Variants in SATB2 observed in about 807,000 individuals in gnomAD.
The protein encoded by SATB2 is SATB homeobox 2.
Under a neutral mutation model 73.4 loss-of-function variants are expected in SATB2, and 1 was observed. The observed-to-expected ratio is 0.01, with a 90% CI of 0.00 to 0.06. The LOEUF is 0.06. SATB2 is among the 10% of genes least tolerant of loss of function. SATB2 has a pLI of 1.00. For missense variants in SATB2, 459 were observed against 945.8 expected (o/e 0.49, Z 6.75); for synonymous variants, 397 against 367.0 (o/e 1.08, Z -0.93).
chr2:199,460,110 G>GCGTT (rs1260682282), upstream of SATB2, among the ~76,000 whole-genome samples: 3 of 152,050 alleles, frequency 2.0e-5, no homozygotes, highest in African/African-American at 7.2e-5. The surrounding 1 kb of genome is among the most constrained non-coding windows in gnomAD (Gnocchi z 4.0). Context: ...GTTTTAGGCA[G>GCGTT]CGTTTGCCTT....
At chr2:199,449,844 T>C (rs1692072708) in intron 2 of SATB2, among the ~76,000 whole-genome samples, 1 of 152,222 alleles carries the variant, frequency 6.6e-6, no homozygotes, top group South Asian at 2.1e-4. Context: ...GCAGTGTTGA[T>C]TGGAAGTGAA....
At chr2:199,411,154 T>C (rs1690800751) in intron 3 of SATB2, among the ~76,000 whole-genome samples, 1 of 152,110 alleles carries the variant, frequency 6.6e-6, no homozygotes, top group South Asian at 2.1e-4. Flanking sequence ...TCCATTTTCA[T>C]TCTCTAACAA....
intron 3 of SATB2, among the ~76,000 whole-genome samples, chr2:199,402,213 C>T (rs1013237679): frequency 2.6e-5 from 4 of 151,988 alleles, no homozygotes; most frequent in Non-Finnish European, 5.9e-5. Flanking sequence ...GGTGAAACCC[C>T]GTCTCTACTA....
intron 10 of SATB2, among the ~76,000 whole-genome samples, chr2:199,305,787 C>A (rs1214036187): frequency 6.6e-6 from 1 of 152,112 alleles, no homozygotes; most frequent in East Asian, 1.9e-4. Flanking sequence ...GAAATCACTG[C>A]CTCATATCTT....
intron 6 of SATB2, among the ~76,000 whole-genome samples, chr2:199,356,225 C>CAAAAAAAAAAAAAAACA (rs1688979098): frequency 9.9e-6 from 1 of 100,978 alleles, no homozygotes; most frequent in Non-Finnish European, 1.8e-5. Context: ...GAACATAAGC[C>CAAAAAAAAAAAAAAACA]AAAAAAAAAA....
chr2:199,275,052 T>C (rs772076347), intron 10 of SATB2, among the ~76,000 whole-genome samples: 26 of 152,142 alleles, frequency 1.7e-4, no homozygotes, highest in Non-Finnish European at 2.6e-4. Flanking sequence ...ATTAGAGCAA[T>C]TGCGCTAATT....
At chr2:199,336,995 T>C (rs1216043996) in intron 7 of SATB2, among the ~76,000 whole-genome samples, 1 of 152,194 alleles carries the variant, frequency 6.6e-6, no homozygotes, top group Non-Finnish European at 1.5e-5. Flanking sequence ...GTTTAATCAA[T>C]GTTAGCCATT....
At chr2:199,314,970 G>C (rs1337720665) in intron 9 of SATB2, among the ~76,000 whole-genome samples, 1 of 151,936 alleles carries the variant, frequency 6.6e-6, no homozygotes, top group Admixed American at 6.6e-5. Context: ...TCCTAGACTA[G>C]ATATCTTTTT....
chr2:199,463,195 C>T lies in SATB2; in HGVS notation c.-141+1641G>A, dbSNP rs1406747576. Among the ~76,000 whole-genome samples the T allele has an allele frequency of 6.6e-6, 1 of 152,166 alleles. No homozygotes were observed. The highest frequency in any genetic ancestry group is 1.5e-5 in the Non-Finnish European group (1 of 68,022). On this transcript the variant is annotated intron_variant, in intron 1 of 11. Coordinates refer to the SATB2 transcript ENST00000260926. The surrounding 1 kb of genome is among the most constrained non-coding windows in gnomAD (Gnocchi z 6.4). ...GCGCCCTTCATTCTTTTGCAGAGCC[C>T]AGAACTTAATAGGTGGGTCCCCTTC...
intron 6 of SATB2, among the ~76,000 whole-genome samples, chr2:199,366,517 T>C (rs1246512611): frequency 1.3e-5 from 2 of 152,082 alleles, no homozygotes; most frequent in Non-Finnish European, 2.9e-5. Flanking sequence ...CTGTCATGAA[T>C]TCTTTGTTTT....
chr2:199,462,873 G>A (rs1332900899), upstream of SATB2, among the ~76,000 whole-genome samples: 5 of 152,330 alleles, frequency 3.3e-5, no homozygotes, highest in African/African-American at 1.2e-4. The surrounding 1 kb of genome is among the most constrained non-coding windows in gnomAD (Gnocchi z 5.9). Context: ...GGGCTAGTGG[G>A]GCCGACCGTT....
chr2:199,363,011 C>T (rs966869757), intron 6 of SATB2, among the ~76,000 whole-genome samples: 3 of 152,168 alleles, frequency 2.0e-5, no homozygotes, highest in African/African-American at 7.2e-5. Context: ...TATTAACAAA[C>T]ATTTTTATAT....
intron 6 of SATB2, among the ~76,000 whole-genome samples, chr2:199,361,339 C>T (rs2105840742): frequency 6.6e-6 from 1 of 152,080 alleles, no homozygotes; most frequent in Non-Finnish European, 1.5e-5. Flanking sequence ...CTTACTCTCA[C>T]CAAGTCTCAT....
chr2:199,451,571 T>G (rs1040338950), intron 2 of SATB2, among the ~76,000 whole-genome samples: 2 of 152,070 alleles, frequency 1.3e-5, no homozygotes, highest in Non-Finnish European at 2.9e-5. Context: ...ATTTTGCCCA[T>G]GTTAACAATA....
chr2:199,424,284 G>A (rs778921973), intron 3 of SATB2, among the ~76,000 whole-genome samples: 5 of 152,050 alleles, frequency 3.3e-5, no homozygotes, highest in Admixed American at 6.6e-5. Flanking sequence ...TCACAGTCAC[G>A]CAAAATCTAT....
intron 10 of SATB2, among the ~76,000 whole-genome samples, chr2:199,306,478 G>T (rs551584309): frequency 6.6e-6 from 1 of 152,348 alleles, no homozygotes; most frequent in African/African-American, 2.4e-5. Context: ...AGGTCTGAGT[G>T]ATGGAAATAA....
chr2:199,368,577 G>T (rs1337103328), intron 6 of SATB2, 28 bp downstream of exon 6: 1 of 1,290,152 alleles, frequency 7.8e-7, no homozygotes, highest in Non-Finnish European at 1.1e-6. Flanking sequence ...ACTGAAAACA[G>T]GCTTTACAAA....
Position 199,272,719 on chromosome 2 carries a change from C to T in SATB2, c.1741-47G>A. The T allele has an allele frequency of 1.9e-6, 3 of 1,548,104 alleles. No individual in the cohort carries two copies. Among genetic ancestry groups the T allele is most frequent in the Non-Finnish European group, 2.7e-6 (3 of 1,120,256 alleles). ...AATGAACACTGGACTCATGATTTTA[C>T]CTTTCCAAAACCATCAGCCCTCTGA... On this transcript the variant is annotated intron_variant, in intron 10 of 10. Coordinates refer to ENST00000417098, the MANE Select transcript of SATB2 (RefSeq NM_001172509.2). The surrounding 1 kb of genome is among the most constrained non-coding windows in gnomAD (Gnocchi z 6.7).
At chr2:199,387,674 A>C (rs934258088) in intron 3 of SATB2, among the ~76,000 whole-genome samples, 1 of 152,334 alleles carries the variant, frequency 6.6e-6, no homozygotes, top group South Asian at 2.1e-4. Flanking sequence ...GATTGAATTG[A>C]GCACAGTATG....
Sources: gnomAD v4.1 joint callset for allele counts (sites outside exome capture counted in the v4.1 genomes callset) on GRCh38, gnomAD v4.1.1 for gene constraint, Gnocchi (gnomAD v3.1) non-coding constraint, MANE v1.5 for transcripts, NCBI Gene and HGNC (gene_info 2026-07-23, HGNC 2026-07-21) for gene names.